The following LOC128462377 variants were observed in gnomAD, a reference collection of about 807,000 sequenced individuals.
the LOC128462377 span, among the ~76,000 whole-genome samples, chr16:89,335,582 ACGTCGCTTTGG>A: frequency 6.6e-6 from 1 of 152,220 alleles, no homozygotes; most frequent in Non-Finnish European, 1.5e-5. Flanking sequence ...ACAGCGAGTG[ACGTCGCTTTGG>A]CAGGGAACCT....
At chr16:89,320,253 C>T in the LOC128462377 span, 1 of 152,264 alleles carries the variant, frequency 6.6e-6, no homozygotes, top group Admixed American at 6.5e-5. Context: ...GACCACACAA[C>T]AGAAGGCACC....
the LOC128462377 span, among the ~76,000 whole-genome samples, chr16:89,373,810 T>C: frequency 6.6e-6 from 1 of 152,228 alleles, no homozygotes; most frequent in East Asian, 1.9e-4. Flanking sequence ...CAGACGCCTG[T>C]GTAGGGTTAC....
chr16:89,353,318 G>C, the LOC128462377 span, among the ~76,000 whole-genome samples: 132 of 151,476 alleles, frequency 8.7e-4, 1 homozygote, highest in East Asian at 0.021. Flanking sequence ...CTCCAGCCTG[G>C]GTGACAGAGT....
the LOC128462377 span, among the ~76,000 whole-genome samples, chr16:89,348,030 C>T: frequency 2.6e-5 from 4 of 151,940 alleles, no homozygotes; most frequent in Non-Finnish European, 4.4e-5. Flanking sequence ...ACCTCCTGGG[C>T]TCAATGGATC....
the LOC128462377 span, among the ~76,000 whole-genome samples, chr16:89,369,551 T>A: frequency 6.6e-6 from 1 of 152,146 alleles, no homozygotes; most frequent in Non-Finnish European, 1.5e-5. Context: ...AATAGGCAGA[T>A]AAATCCACAG....
At chr16:89,381,629 T>A in the LOC128462377 span, among the ~76,000 whole-genome samples, 1 of 152,060 alleles carries the variant, frequency 6.6e-6, no homozygotes, top group East Asian at 1.9e-4. Flanking sequence ...GCTGTCAACA[T>A]CCCCCAACAT....
At chr16:89,415,062 G>T in the LOC128462377 span, among the ~76,000 whole-genome samples, 1 of 151,254 alleles carries the variant, frequency 6.6e-6, no homozygotes, top group East Asian at 2.0e-4. Context: ...CTTCCTCCCC[G>T]CTCAGCCTCC....
At chr16:89,334,148 A>AG in the LOC128462377 span, among the ~76,000 whole-genome samples, 4 of 123,706 alleles carry the variant, frequency 3.2e-5, 1 homozygote, top group East Asian at 9.6e-4. Context: ...GTGTTTTAAA[A>AG]AAAAAAAAAA....
At chr16:89,373,761 C>A in the LOC128462377 span, among the ~76,000 whole-genome samples, 1 of 152,248 alleles carries the variant, frequency 6.6e-6, no homozygotes, top group African/African-American at 2.4e-5. Context: ...CCACACCTAC[C>A]TGGGATCCCC....
At chr16:89,328,493 A>T in the LOC128462377 span, among the ~76,000 whole-genome samples, 1 of 152,266 alleles carries the variant, frequency 6.6e-6, no homozygotes, top group Non-Finnish European at 1.5e-5. Flanking sequence ...ACATCACGGC[A>T]TCCCCTCAGC....
chr16:89,348,609 A>T, the LOC128462377 span, among the ~76,000 whole-genome samples: 2 of 152,166 alleles, frequency 1.3e-5, no homozygotes, highest in Admixed American at 1.3e-4. Flanking sequence ...GTTAACTAAA[A>T]TTTCAATTTC....
At chr16:89,331,843 C>T in the LOC128462377 span, among the ~76,000 whole-genome samples, 593 of 152,256 alleles carry the variant, frequency 3.9e-3, 2 homozygotes, top group African/African-American at 0.014. Context: ...TGAATGTTTT[C>T]GGCGGATGCA....
At chr16:89,397,561 G>A in the LOC128462377 span, among the ~76,000 whole-genome samples, 1 of 152,222 alleles carries the variant, frequency 6.6e-6, no homozygotes, top group African/African-American at 2.4e-5. Context: ...CCAGCCAAGT[G>A]GATCCCTGGC....
At chr16:89,337,837 TGCC>T in the LOC128462377 span, among the ~76,000 whole-genome samples, 1 of 152,138 alleles carries the variant, frequency 6.6e-6, no homozygotes, top group Non-Finnish European at 1.5e-5. Flanking sequence ...GAGTCAGCAA[TGCC>T]TGTTCCTCTC....
At chr16:89,320,672 G>A in the LOC128462377 span, among the ~76,000 whole-genome samples, 4 of 152,298 alleles carry the variant, frequency 2.6e-5, no homozygotes, top group African/African-American at 9.6e-5. Context: ...CAGAAGCCAC[G>A]GCGCCAAAGC....
At chr16:89,411,140 G>A in the LOC128462377 span, among the ~76,000 whole-genome samples, 2 of 152,274 alleles carry the variant, frequency 1.3e-5, no homozygotes, top group African/African-American at 2.4e-5. Flanking sequence ...CAGCAGCACA[G>A]GGGCTCGGGC....
the LOC128462377 span, among the ~76,000 whole-genome samples, chr16:89,350,729 A>C: frequency 6.6e-6 from 1 of 152,186 alleles, no homozygotes; most frequent in Non-Finnish European, 1.5e-5. Flanking sequence ...TGGTGGGAAC[A>C]AGACAGTTCC....
chr16:89,379,694 C>T, the LOC128462377 span, among the ~76,000 whole-genome samples: 4 of 152,162 alleles, frequency 2.6e-5, no homozygotes, highest in Non-Finnish European at 4.4e-5. Flanking sequence ...CCAAGCAGCA[C>T]GGAAGAGCTC....
At chr16:89,344,813 C>G in the LOC128462377 span, among the ~76,000 whole-genome samples, 2 of 152,184 alleles carry the variant, frequency 1.3e-5, no homozygotes, top group African/African-American at 4.8e-5. Context: ...CAGCTCCCAC[C>G]CAATAGCAGA....
Sources: allele counts gnomAD v4.1 joint callset (sites outside exome capture counted in the v4.1 genomes callset), GRCh38; gene constraint gnomAD v4.1.1; transcripts MANE v1.5.